C9: variants seen among roughly 807,000 people sequenced by gnomAD.
C9 encodes the protein complement component C9.
C9 carries 63 observed loss-of-function variants against 65.4 expected under a neutral mutation model. The ratio of observed to expected loss-of-function variants is 0.96; its 90% confidence interval spans 0.79 to 1.19. The LOEUF (loss-of-function observed/expected upper bound fraction) is 1.19. Among genes scored for constraint, C9 ranks in the 50% most tolerant of loss-of-function variants. The pLI, the probability that C9 is intolerant of heterozygous loss-of-function variation, is 0.00. For missense variants in C9, 744 were observed against 670.1 expected, an observed-to-expected ratio of 1.11 and a Z score of -1.22; for synonymous variants, 229 against 227.9, an observed-to-expected ratio of 1.00 and a Z score of -0.04.
At chr5:39,293,821 C>T (rs1050519568) in intron 9 of C9, among the ~76,000 whole-genome samples, 9 of 151,544 alleles carry the variant, frequency 5.9e-5, no homozygotes, top group Admixed American at 1.3e-4. Context: ...TAACAAGTCT[C>T]GAAAAAATTT....
At position 39,315,838 on chromosome 5, in the gene C9, A is replaced by G; in HGVS notation, c.807T>C (p.Ser269=). 6.2e-7 allele frequency: 1 copy of G among 1,611,404 alleles called. No individual in the cohort carries two copies. The change falls in exon 6 of 11, where the codon AGT becomes AGC. Residue 269 remains serine, a synonymous_variant. Transcript: ENST00000263408. The stretch of plus-strand genomic sequence containing the variant: ...CATTTTTGGAATATGAAAACCGAAA[A>G]CTACCCTTGCCATGTAAAGAAATTG... ...ASSISLHGKG[S]FRFSYSKNET...
chr5:39,343,062 G>C (rs1466537079), intron 1 of C9, among the ~76,000 whole-genome samples: 2 of 152,144 alleles, frequency 1.3e-5, no homozygotes, highest in African/African-American at 4.8e-5. Flanking sequence ...GAAAAGGCTA[G>C]CTGAACAGGA....
intron 4 of C9, among the ~76,000 whole-genome samples, chr5:39,336,188 T>C (rs1486000679): frequency 6.6e-6 from 1 of 152,144 alleles, no homozygotes; most frequent in African/African-American, 2.4e-5. Flanking sequence ...ATTTTTTAGT[T>C]ATTTTTATTC....
intron 5 of C9, among the ~76,000 whole-genome samples, chr5:39,322,399 A>C (rs535729517): frequency 6.6e-6 from 1 of 152,202 alleles, no homozygotes; most frequent in African/African-American, 2.4e-5. Context: ...TTCTCAAATA[A>C]TCTATTGTTA....
chr5:39,328,783 G>A (rs1014481949), intron 5 of C9, among the ~76,000 whole-genome samples: 1 of 152,138 alleles, frequency 6.6e-6, no homozygotes, highest in Non-Finnish European at 1.5e-5. Context: ...AGGGTTAAAA[G>A]TTGGATTTTC....
intron 5 of C9, among the ~76,000 whole-genome samples, chr5:39,325,580 C>G (rs1753733380): frequency 6.6e-6 from 1 of 152,120 alleles, no homozygotes; most frequent in Admixed American, 6.5e-5. Context: ...AGAGACCAGC[C>G]TGACCAACAT....
chr5:39,285,380 G>A (rs1752972868), intron 10 of C9, 147 bp from the exon 11 acceptor site: 2 of 702,450 alleles, frequency 2.8e-6, no homozygotes, highest in East Asian at 5.4e-5. Flanking sequence ...GTGGTGTAAG[G>A]TACAAGGCAC....
intron 1 of C9, among the ~76,000 whole-genome samples, chr5:39,343,229 C>T (rs993087670): frequency 2.6e-5 from 4 of 152,174 alleles, no homozygotes; most frequent in Admixed American, 2.6e-4. Flanking sequence ...CAGGGCAAGG[C>T]ATCGCCTCAC....
At chr5:39,285,397 A>G (rs1752973294) in intron 10 of C9, among the ~76,000 whole-genome samples, 164 bp from the exon 11 acceptor site, 2 of 152,136 alleles carry the variant, frequency 1.3e-5, no homozygotes, top group African/African-American at 4.8e-5. Context: ...GCACATTTTC[A>G]TACCAGAAAG....
chr5:39,296,696 G>T (rs1753191048), intron 9 of C9, among the ~76,000 whole-genome samples: 1 of 151,338 alleles, frequency 6.6e-6, no homozygotes, highest in Non-Finnish European at 1.5e-5. Flanking sequence ...AATAAATAAT[G>T]TATTTTTTCT....
chr5:39,344,210 C>T (rs925422437), intron 1 of C9, among the ~76,000 whole-genome samples: 7 of 152,014 alleles, frequency 4.6e-5, no homozygotes, highest in East Asian at 1.9e-4. Flanking sequence ...AGGCTACAGA[C>T]GATCAGACTT....
intron 9 of C9, among the ~76,000 whole-genome samples, chr5:39,306,162 CAAA>C (rs541310785): frequency 0.37 from 37,747 of 101,466 alleles, 5,532 homozygotes; most frequent in East Asian, 0.53. Flanking sequence ...GACTCTGTCT[CAAA>C]AAAAAAAAAA....
chr5:39,297,660 G>C (rs1307314681), intron 9 of C9, among the ~76,000 whole-genome samples: 2 of 151,602 alleles, frequency 1.3e-5, no homozygotes, highest in East Asian at 3.9e-4. Context: ...AATATACAAA[G>C]AAGATATATA....
intron 5 of C9, among the ~76,000 whole-genome samples, chr5:39,322,105 A>C (rs1561342893): frequency 6.6e-6 from 1 of 152,070 alleles, no homozygotes; most frequent in Non-Finnish European, 1.5e-5. Context: ...ATTAGGCCAT[A>C]AAACAAGTCT....
chr5:39,331,274 G>A (rs696140), intron 5 of C9, among the ~76,000 whole-genome samples: 9,676 of 152,150 alleles, frequency 0.064, 1,030 homozygotes, highest in African/African-American at 0.22. Context: ...TAGTCAAGCA[G>A]GCTCTTCATA....
intron 9 of C9, among the ~76,000 whole-genome samples, chr5:39,300,589 C>T (rs1055801800): frequency 6.6e-6 from 1 of 150,984 alleles, no homozygotes; most frequent in Non-Finnish European, 1.5e-5. Flanking sequence ...GTCTGGCAAA[C>T]ATAGGTAATT....
chr5:39,359,287 G>A (rs1462330196), intron 1 of C9, among the ~76,000 whole-genome samples: 1 of 151,434 alleles, frequency 6.6e-6, no homozygotes, highest in Non-Finnish European at 1.5e-5. Context: ...GACATGTTAT[G>A]TTTGGGATGC....
At chr5:39,350,538 T>C (rs1338676170) in intron 1 of C9, among the ~76,000 whole-genome samples, 1 of 148,140 alleles carries the variant, frequency 6.8e-6, no homozygotes, top group South Asian at 2.1e-4. Flanking sequence ...AAAAACAAGT[T>C]AATTACTCCC....
chr5:39,285,361 G>A (rs1412256553), intron 10 of C9, 128 bp from the exon 11 acceptor site: 2 of 754,994 alleles, frequency 2.6e-6, no homozygotes, highest in Admixed American at 1.9e-5. Context: ...TAGGTACTGG[G>A]AATAGAATGT....
Sources: allele counts gnomAD v4.1 joint callset (sites outside exome capture counted in the v4.1 genomes callset), GRCh38; gene constraint gnomAD v4.1.1; transcripts MANE v1.5; gene names NCBI Gene and HGNC (gene_info 2026-07-23, HGNC 2026-07-21).